The following UPF2 variants were observed in gnomAD, a reference collection of about 807,000 sequenced individuals.
UPF2 encodes the protein UPF2 regulator of nonsense mediated mRNA decay, also known as regulator of nonsense transcripts 2.
In UPF2, 17 loss-of-function variants were observed where a neutral mutation model predicts 141.4. The ratio of observed to expected loss-of-function variants is 0.12; its 90% CI spans 0.08 to 0.18. The LOEUF is 0.18. UPF2 is among the 10% of genes least tolerant of loss of function. The probability of loss-of-function intolerance (pLI) is 1.00; values close to 1 mark genes in which losing one functional copy is unlikely to be tolerated. For synonymous variants in UPF2, 540 were observed against 498.0 expected (o/e 1.08, Z -1.12); for missense variants, 1,152 against 1,515.9 (o/e 0.76, Z 3.99).
intron 8 of UPF2, among the ~76,000 whole-genome samples, chr10:11,991,935 C>G (rs1833787529): frequency 6.6e-6 from 1 of 152,160 alleles, no homozygotes. Context: ...CACCTGAGGT[C>G]CAGGGTTCAA....
At chr10:11,990,424 A>G (rs1833759473) in intron 8 of UPF2, among the ~76,000 whole-genome samples, 1 of 152,184 alleles carries the variant, frequency 6.6e-6, no homozygotes, top group Admixed American at 6.5e-5. Flanking sequence ...AATAGCAAAA[A>G]TATGTCCTTA....
chr10:12,035,151 C>T lies in UPF2; in HGVS notation c.273G>A (p.Glu91=), dbSNP rs757385236. Residue 91 remains glutamate, a synonymous_variant, in exon 2 of 22, where the codon GAG becomes GAA. Transcript: ENST00000357604. The part of the protein sequence containing the change: ...KAEEESKKKE[E]EEKKKHQEEE... Reference sequence around the variant, plus strand: ...CCTCTTGATGTTTCTTTTTTTCTTCCTCTTCTTTTTTCTTTGATTCTTCCT... The same window carrying T: ...CCTCTTGATGTTTCTTTTTTTCTTCTTCTTCTTTTTTCTTTGATTCTTCCT... 46 of 1,601,248 alleles carry T rather than the reference C, an allele frequency of 2.9e-5. No individual in the cohort carries two copies. The East Asian group carries it at 6.5e-4, about 23-fold the overall frequency.
Position 12,042,387 on chromosome 10 carries a change from C to T in UPF2, c.-19+368G>A, listed in dbSNP as rs980567802. On this transcript the variant is annotated intron_variant, in intron 1 of 21. Coordinates refer to ENST00000357604, the MANE Select transcript of UPF2 (RefSeq NM_015542.4). The surrounding 1 kb of genome is among the most constrained non-coding windows in gnomAD (Gnocchi z 5.5). Reference sequence around the variant, plus strand: ...TCTCGCCCTCGCTTCCCTCCCGGCTCTCGAGGAGCTTCCCCCGACCTCCCC... The same window carrying T: ...TCTCGCCCTCGCTTCCCTCCCGGCTTTCGAGGAGCTTCCCCCGACCTCCCC... Among the ~76,000 whole-genome samples, 2 of 152,146 alleles carry T rather than the reference C, an allele frequency of 1.3e-5. No homozygotes were observed. The highest frequency in any genetic ancestry group is 4.8e-5 in the African/African-American group (2 of 41,426).
rs1832951552 is a variant in UPF2 at position 11,942,725 on chromosome 10, A to C, written c.3318T>G (p.Pro1106=). ...GAATGAAGTCCTCATCTTCTACACA[A>C]GGTACATGCTTAAGTCCACCGCCTT... is the stretch of plus-strand genomic sequence containing the variant. The part of the protein sequence containing the change: ...MIKGGGLKHV[P]CVEDEDFIQA... Residue 1106 remains proline, a synonymous_variant, in exon 18 of 22, where the codon CCT becomes CCG. Transcript: ENST00000357604. 6.2e-6 allele frequency: 10 copies of C among 1,613,946 alleles called. No homozygotes were observed. Among genetic ancestry groups the C allele is most frequent in the Non-Finnish European group, 8.5e-6 (10 of 1,179,982 alleles).
At chr10:11,976,608 G>A (rs189504080) in intron 9 of UPF2, among the ~76,000 whole-genome samples, 1 of 152,266 alleles carries the variant, frequency 6.6e-6, no homozygotes, top group Non-Finnish European at 1.5e-5. Context: ...TCATAAGAGA[G>A]ATTCTGGCAA....
intron 8 of UPF2, among the ~76,000 whole-genome samples, chr10:11,996,678 T>C (rs764452533): frequency 2.0e-5 from 3 of 152,182 alleles, no homozygotes; most frequent in Non-Finnish European, 4.4e-5. Context: ...AAAATATTCA[T>C]CCATATGACT....
intron 3 of UPF2, among the ~76,000 whole-genome samples, chr10:12,024,344 T>C (rs1189377707): frequency 2.0e-5 from 3 of 152,206 alleles, no homozygotes; most frequent in Admixed American, 6.5e-5. Flanking sequence ...GCACAGTGGC[T>C]GACGCCTATA....
chr10:11,944,046 C>T (rs1832970496), intron 16 of UPF2, among the ~76,000 whole-genome samples: 1 of 151,566 alleles, frequency 6.6e-6, no homozygotes, highest in African/African-American at 2.4e-5. Context: ...AAACCCAGAG[C>T]TGCCTCTCAC....
At chr10:12,033,093 T>C (rs570373854) in intron 2 of UPF2, among the ~76,000 whole-genome samples, 2 of 152,210 alleles carry the variant, frequency 1.3e-5, no homozygotes, top group East Asian at 3.9e-4. Context: ...AAAATCGTGC[T>C]TGCAAAAAGG....
chr10:12,000,117 G>T, intron 6 of UPF2, 108 bp from the exon 7 acceptor site: 2 of 893,328 alleles, frequency 2.2e-6, no homozygotes, highest in Non-Finnish European at 3.4e-6. Context: ...CAATTTTTGT[G>T]CCCAGGAAAA....
chr10:11,932,152 TA>T lies in UPF2; in HGVS notation c.3547-371del, dbSNP rs58896069. ...CAAAAGAGCAAGACTCCAACTCAAT[TA>T]AAAAAAAAAAAGGTAGATAGATAAT... On this transcript the variant is annotated intron_variant, in intron 19 of 21. Transcript: ENST00000357604. Among the ~76,000 whole-genome samples the T allele has an allele frequency of 1.9e-3, 271 of 142,788 alleles. 1 individual carries two copies. The highest frequency in any genetic ancestry group is 2.0e-3 in the African/African-American group (77 of 38,826). 93.7% of individuals were successfully genotyped at this position (142,788 alleles called of 152,430 possible). A position where few individuals can be genotyped will look rare whatever the true frequency, so the allele number is the denominator to read the frequency against.
chr10:12,001,630 G>A, intron 6 of UPF2, 46 bp downstream of exon 6: 1 of 1,535,536 alleles, frequency 6.5e-7, no homozygotes, highest in Non-Finnish European at 8.8e-7. Flanking sequence ...AGAGCTCTGT[G>A]TGTAAAAACC....
At chr10:11,986,715 T>C (rs1198543395) in intron 8 of UPF2, among the ~76,000 whole-genome samples, 1 of 152,304 alleles carries the variant, frequency 6.6e-6, no homozygotes, top group East Asian at 1.9e-4. Context: ...ACTGGGGTCA[T>C]TTACTCTGAA....
At chr10:12,030,394 C>T (rs1321155553) in intron 2 of UPF2, among the ~76,000 whole-genome samples, 4 of 151,694 alleles carry the variant, frequency 2.6e-5, no homozygotes, top group Non-Finnish European at 4.4e-5. Context: ...ATCAGCCAGT[C>T]GTGGTGGTGG....
chr10:11,938,073 T>C (rs751183114), intron 18 of UPF2, among the ~76,000 whole-genome samples: 1 of 152,192 alleles, frequency 6.6e-6, no homozygotes, highest in Non-Finnish European at 1.5e-5. Context: ...TGGAGTATGT[T>C]CTTTCGGATT....
chr10:11,947,786 CAAAAAAAAA>C (rs58897556), intron 16 of UPF2, among the ~76,000 whole-genome samples: 4 of 65,580 alleles, frequency 6.1e-5, no homozygotes, highest in Non-Finnish European at 1.2e-4. Flanking sequence ...AACCTTGTCT[CAAAAAAAAA>C]AAAAAAAAAA....
chr10:11,973,080 C>T (rs1277740244), intron 9 of UPF2, among the ~76,000 whole-genome samples: 1 of 152,190 alleles, frequency 6.6e-6, no homozygotes, highest in African/African-American at 2.4e-5. Flanking sequence ...GCCATTCTAA[C>T]TGGTGTGAGA....
At chr10:11,944,746 T>A (rs1250789594) in intron 16 of UPF2, among the ~76,000 whole-genome samples, 1 of 152,220 alleles carries the variant, frequency 6.6e-6, no homozygotes, top group Non-Finnish European at 1.5e-5. Flanking sequence ...CATGCATTAA[T>A]TTTTCAAATT....
chr10:12,015,508 C>T (rs1335649406), intron 3 of UPF2, among the ~76,000 whole-genome samples: 2 of 152,162 alleles, frequency 1.3e-5, no homozygotes, highest in African/African-American at 2.4e-5. Flanking sequence ...TTGAGACCAG[C>T]CTGGTCAACA....
Sources: gnomAD v4.1 joint callset for allele counts (sites outside exome capture counted in the v4.1 genomes callset) on GRCh38, gnomAD v4.1.1 for gene constraint, Gnocchi (gnomAD v3.1) non-coding constraint, MANE v1.5 for transcripts, NCBI Gene and HGNC (gene_info 2026-07-23, HGNC 2026-07-21) for gene names.